The following PAPPA2 variants were observed in gnomAD, a reference collection of about 807,000 sequenced individuals.
PAPPA2 encodes pappalysin-2.
Under a neutral mutation model 176.4 loss-of-function variants are expected in PAPPA2, and 86 were observed. The ratio of observed to expected loss-of-function variants is 0.49; its 90% confidence interval spans 0.41 to 0.58. PAPPA2 has a LOEUF of 0.58. Ranked by LOEUF, PAPPA2 falls within the 20% of genes least tolerant of loss-of-function variation. PAPPA2 has a pLI of 0.00. For synonymous variants in PAPPA2, 809 were observed against 852.2 expected, an observed-to-expected ratio of 0.95 and a Z score of 0.88; for missense variants, 2,073 against 2,256.9, an observed-to-expected ratio of 0.92 and a Z score of 1.65.
At position 176,564,069 on chromosome 1, in the gene PAPPA2, C is replaced by T. The variant is rs113573455; in HGVS notation, c.919+6828C>T. Among the ~76,000 whole-genome samples, 569 of 151,996 alleles carry T rather than the reference C, an allele frequency of 3.7e-3. 4 individuals are homozygous for T. The highest frequency in any genetic ancestry group is 0.013 in the African/African-American group (533 of 41,502). ...TCTGTTTATATTTCCTCGGAATTGTCCCCCCCAGTAAAATCCTACATATTT... is the reference window on the plus strand; with the variant it reads ...TCTGTTTATATTTCCTCGGAATTGTTCCCCCCAGTAAAATCCTACATATTT... On this transcript the variant is annotated intron_variant, in intron 2 of 22. Transcript: ENST00000367662.
In PAPPA2 at chr1:176,731,414, C is replaced by T. The variant is rs375552410; in HGVS notation, c.3799-8212C>T. On this transcript the variant is annotated intron_variant, in intron 12 of 22. Transcript: ENST00000367662. ...TCCTGGGTTCAAGCAATTCTCTTTT[C>T]TCAGTCTCCCTAGTAGCTGGGATTA... Among the ~76,000 whole-genome samples the T allele has an allele frequency of 2.6e-5, 4 of 152,148 alleles. No individual in the cohort carries two copies. The East Asian group carries it at 5.8e-4, about 22-fold the overall frequency.
intron 2 of PAPPA2, among the ~76,000 whole-genome samples, chr1:176,563,675 G>A (rs1057443059): frequency 2.6e-5 from 4 of 152,164 alleles, no homozygotes; most frequent in Admixed American, 2.6e-4. Context: ...ACTTCAGTGT[G>A]AATAGAGATC....
intron 12 of PAPPA2, 84 bp from the exon 13 acceptor site, chr1:176,739,542 T>C: frequency 7.0e-7 from 1 of 1,437,508 alleles, no homozygotes; most frequent in Non-Finnish European, 9.4e-7. Context: ...TAGTGAGCTC[T>C]CTAAGAAGAA....
intron 3 of PAPPA2, among the ~76,000 whole-genome samples, chr1:176,624,984 G>A (rs189051829): frequency 1.1e-4 from 17 of 152,214 alleles, no homozygotes; most frequent in South Asian, 4.2e-4. Context: ...TGAGCCTTCC[G>A]GAGATCCTCC....
chr1:176,729,322 C>T (rs1013105088), intron 12 of PAPPA2, among the ~76,000 whole-genome samples: 1 of 152,036 alleles, frequency 6.6e-6, no homozygotes, highest in Non-Finnish European at 1.5e-5. Context: ...TTTTAACTCT[C>T]TTTTATATTC....
intron 5 of PAPPA2, 40 bp downstream of exon 5, chr1:176,690,470 AT>A (rs1558521937): frequency 4.4e-6 from 7 of 1,593,020 alleles, no homozygotes; most frequent in Non-Finnish European, 5.2e-6. Flanking sequence ...TTAAGAATAC[AT>A]GGGGGCCTTT....
chr1:176,598,967 T>A (rs182680736), intron 3 of PAPPA2, among the ~76,000 whole-genome samples: 21 of 152,292 alleles, frequency 1.4e-4, no homozygotes, highest in Admixed American at 4.6e-4. Context: ...ATGTTTCAGG[T>A]AATCTTTTTT....
At chr1:176,766,569 T>G (rs1663973870) in intron 15 of PAPPA2, among the ~76,000 whole-genome samples, 1 of 152,224 alleles carries the variant, frequency 6.6e-6, no homozygotes, top group Non-Finnish European at 1.5e-5. Flanking sequence ...ACTTATCTGA[T>G]TGAGTTATTA....
At chr1:176,737,387 G>C (rs1371909720) in intron 12 of PAPPA2, among the ~76,000 whole-genome samples, 2 of 151,914 alleles carry the variant, frequency 1.3e-5, no homozygotes, top group Non-Finnish European at 1.5e-5. Context: ...TGCAGATTCA[G>C]GCTGGTTTCT....
intron 1 of PAPPA2, among the ~76,000 whole-genome samples, chr1:176,478,545 G>A (rs532683901): frequency 3.0e-4 from 45 of 152,220 alleles, no homozygotes; most frequent in Non-Finnish European, 6.0e-4. Flanking sequence ...AACAATCACA[G>A]CCTCATGATA....
intron 11 of PAPPA2, among the ~76,000 whole-genome samples, chr1:176,710,871 A>T (rs1347469154): frequency 6.6e-6 from 1 of 152,148 alleles, no homozygotes; most frequent in Non-Finnish European, 1.5e-5. Context: ...CAAGGATTTC[A>T]TCAAGGACCC....
rs1651305860 is a variant in PAPPA2 at position 176,556,575 on chromosome 1, G to A, written c.253G>A (p.Gly85Arg). The A allele has an allele frequency of 2.5e-6, 4 of 1,614,050 alleles. No individual in the cohort carries two copies. The highest frequency in any genetic ancestry group is 3.4e-6 in the Non-Finnish European group (4 of 1,180,032). ...GAACTACCTAAGGCCCTACCCCGTG[G>A]GGGAGCAAGAAATCCATCATACAGG... ...AGNYLRPYPV[G>R]EQEIHHTGRS... is the part of the protein sequence containing the mutation. Residue 85 changes from glycine (G) to arginine (R), a missense_variant, in exon 2 of 23, where the codon GGG (glycine) becomes AGG (arginine). Physicochemically the swap from Gly to Arg is moderately radical, Grantham distance 125. Transcript: ENST00000367662.
At chr1:176,541,069 A>G (rs928286540) in intron 1 of PAPPA2, among the ~76,000 whole-genome samples, 4 of 152,226 alleles carry the variant, frequency 2.6e-5, no homozygotes, top group African/African-American at 4.8e-5. Flanking sequence ...TGGGAGCTCA[A>G]TGGAACTGAG....
intron 3 of PAPPA2, among the ~76,000 whole-genome samples, chr1:176,631,476 C>A (rs1218865519): frequency 6.6e-6 from 1 of 152,118 alleles, no homozygotes; most frequent in African/African-American, 2.4e-5. Context: ...GATGATTGCA[C>A]ACATCTCTCA....
At chr1:176,546,341 T>A (rs985332201) in intron 1 of PAPPA2, among the ~76,000 whole-genome samples, 2 of 152,184 alleles carry the variant, frequency 1.3e-5, no homozygotes, top group Non-Finnish European at 2.9e-5. Flanking sequence ...TCTTCTCCTC[T>A]GGAGTGGATA....
At chr1:176,663,094 A>C (rs926560633) in intron 3 of PAPPA2, among the ~76,000 whole-genome samples, 3 of 152,164 alleles carry the variant, frequency 2.0e-5, no homozygotes, top group African/African-American at 4.8e-5. Context: ...GCTAATCACT[A>C]TATCCCTCTT....
intron 21 of PAPPA2, among the ~76,000 whole-genome samples, chr1:176,816,945 G>A (rs1409310838): frequency 6.6e-6 from 1 of 152,128 alleles, no homozygotes; most frequent in African/African-American, 2.4e-5. Flanking sequence ...ATTTTAGATA[G>A]AGGAGCACTT....
chr1:176,644,464 T>A (rs1379283303), intron 3 of PAPPA2, among the ~76,000 whole-genome samples: 4 of 151,830 alleles, frequency 2.6e-5, no homozygotes, highest in Non-Finnish European at 5.9e-5. Context: ...CAAAAGGAGT[T>A]ACGTATGGAT....
chr1:176,551,070 A>G (rs937805048), intron 1 of PAPPA2, among the ~76,000 whole-genome samples: 1 of 152,288 alleles, frequency 6.6e-6, no homozygotes, highest in African/African-American at 2.4e-5. Flanking sequence ...TGTGTGACTT[A>G]GTGCTTGTTC....
Sources: allele counts gnomAD v4.1 joint callset (sites outside exome capture counted in the v4.1 genomes callset), GRCh38; gene constraint gnomAD v4.1.1; transcripts MANE v1.5; gene names NCBI Gene and HGNC (gene_info 2026-07-23, HGNC 2026-07-21).